Variants in SEZ6L2 observed in about 807,000 individuals in gnomAD.
SEZ6L2 encodes seizure 6-like protein 2.
In SEZ6L2, 44 loss-of-function variants were observed where a neutral mutation model predicts 97.0. That is an observed-to-expected ratio of 0.45 (90% CI 0.36 to 0.58). The LOEUF is 0.58. Ranked by LOEUF, SEZ6L2 falls within the 20% of genes least tolerant of loss-of-function variation. The pLI is 0.00. For synonymous variants in SEZ6L2, 543 were observed against 546.1 expected, an observed-to-expected ratio of 0.99 and a Z score of 0.08; for missense variants, 1,086 against 1,233.3, an observed-to-expected ratio of 0.88 and a Z score of 1.79.
chr16:29,872,136 A>T, intron 17 of SEZ6L2, 51 bp downstream of exon 17: 1 of 1,396,366 alleles, frequency 7.2e-7, no homozygotes, highest in Non-Finnish European at 9.8e-7. Flanking sequence ...AAGGTTATGG[A>T]GTCCTGGGAG....
At chr16:29,875,578 TG>T (rs2067884668) in intron 12 of SEZ6L2, among the ~76,000 whole-genome samples, 1 of 152,066 alleles carries the variant, frequency 6.6e-6, no homozygotes, top group Non-Finnish European at 1.5e-5. Flanking sequence ...CCCATGTCCT[TG>T]GGGCTGGCTT....
chr16:29,891,807 C>T (rs1184204649), intron 5 of SEZ6L2, among the ~76,000 whole-genome samples: 2 of 152,152 alleles, frequency 1.3e-5, no homozygotes, highest in Non-Finnish European at 1.5e-5. Flanking sequence ...CTCTAGGGGC[C>T]TCTCACCTAT....
chr16:29,875,999 G>A (rs2067895543), intron 12 of SEZ6L2, among the ~76,000 whole-genome samples: 1 of 151,964 alleles, frequency 6.6e-6, no homozygotes, highest in Non-Finnish European at 1.5e-5. Flanking sequence ...CCAGCCCTGA[G>A]AAAATTAGCC....
At chr16:29,872,838 C>T (rs1383665475) in intron 14 of SEZ6L2, 95 bp from the exon 15 acceptor site, 1 of 977,168 alleles carries the variant, frequency 1.0e-6, no homozygotes, top group Non-Finnish European at 1.5e-6. Context: ...GCTGGACAGC[C>T]TGGTTCTCTC....
chr16:29,893,647 CAAAAAA>C (rs1313483790), intron 5 of SEZ6L2, among the ~76,000 whole-genome samples: 2 of 80,862 alleles, frequency 2.5e-5, no homozygotes, highest in Non-Finnish European at 5.5e-5. Context: ...GACTCTGTCT[CAAAAAA>C]AAAAAAAAAA....
At chr16:29,891,339 C>T (rs1404257053) in intron 5 of SEZ6L2, among the ~76,000 whole-genome samples, 2 of 150,238 alleles carry the variant, frequency 1.3e-5, no homozygotes, top group African/African-American at 4.9e-5. Flanking sequence ...GCTGGGATTA[C>T]AGGCGTGAGC....
rs193055788 is a variant in SEZ6L2, at chr16:29,879,905, G to A, written c.1532C>T (p.Pro511Leu). The change falls in exon 9 of 18, where the codon CCC becomes CTC. Residue 511 changes from proline to leucine, a missense_variant. Pro to Leu is a moderately conservative substitution (Grantham distance 98). Transcript: ENST00000617533. ...GPPNAIECVD[P>L]TEPHWNDTEP... ...TGTGTCGTTCCAGTGGGGTTCTGTG[G>A]GATCCACACATTCGATGGCATTGGG... The A allele has an allele frequency of 1.2e-5, 19 of 1,613,156 alleles. No individual in the cohort carries two copies. Among genetic ancestry groups the A allele is most frequent in the Non-Finnish European group, 1.6e-5 (19 of 1,179,484 alleles).
Position 29,877,417 on chromosome 16 carries a change from G to A in SEZ6L2, c.1763C>T (p.Pro588Leu). 3.7e-6 allele frequency: 6 copies of A among 1,611,496 alleles called. No homozygotes were observed. Among genetic ancestry groups the A allele is most frequent in the East Asian group, 2.2e-5 (1 of 44,816 alleles). The change falls in exon 11 of 18, where the codon CCC becomes CTC. Residue 588 changes from proline (P) to leucine (L), a missense_variant. This residue lies in a region of SEZ6L2 where 776 missense variants were observed against 794.7 expected (regional missense o/e 0.98). Coordinates refer to ENST00000617533, the MANE Select transcript of SEZ6L2 (RefSeq NM_001243332.2). ...CAGCTGGGCCAAGACTCGGGCGCTGGGACCGTCCCCGTCGAACAGCGTCAG... is the reference window on the plus strand; with the variant it reads ...CAGCTGGGCCAAGACTCGGGCGCTGAGACCGTCCCCGTCGAACAGCGTCAG... Reference protein sequence around the residue: ...DMLTLFDGDGPSARVLAQLRG... With the variant: ...DMLTLFDGDGLSARVLAQLRG...
intron 5 of SEZ6L2, among the ~76,000 whole-genome samples, chr16:29,890,946 T>G (rs183221076): frequency 1.3e-5 from 2 of 151,054 alleles, no homozygotes; most frequent in East Asian, 3.9e-4. Flanking sequence ...TTTATTTTAT[T>G]ATTATTATTT....
At position 29,899,250 on chromosome 16, in the gene SEZ6L2, T is replaced by G; in HGVS notation, c.-231A>C. ...TTGCTCAGTCTCCTCTGTCCTCTTC[T>G]CGCGGCTCTGTGGTGGAGGGGGCGC... On this transcript the variant is annotated 5_prime_UTR_variant, in exon 1 of 18. Transcript: ENST00000617533. The G allele has an allele frequency of 1.2e-5, 6 of 482,622 alleles. No individual in the cohort carries two copies. The highest frequency in any genetic ancestry group is 1.5e-5 in the Non-Finnish European group (4 of 274,540). 29.9% of individuals were successfully genotyped at this position (482,622 alleles called of 1,614,324 possible). A position where few individuals can be genotyped will look rare whatever the true frequency, so the allele number is the denominator to read the frequency against.
chr16:29,899,282 G>T lies in SEZ6L2; in HGVS notation c.-263C>A. The T allele has an allele frequency of 6.6e-6, 3 of 455,502 alleles. No homozygotes were observed. Among genetic ancestry groups the T allele is most frequent in the Non-Finnish European group, 1.2e-5 (3 of 258,602 alleles). 28.2% of individuals were successfully genotyped at this position (455,502 alleles called of 1,614,324 possible). A position where few individuals can be genotyped will look rare whatever the true frequency, so the allele number is the denominator to read the frequency against. On this transcript the variant is annotated 5_prime_UTR_variant, in exon 1 of 18. Transcript: ENST00000617533. ...TCTGTGGTGGAGGGGGCGCGGCTCC[G>T]GCTGCAGGGGGTGGGGCCGAGAGGG...
At chr16:29,880,097 T>C (rs753425585) in intron 8 of SEZ6L2, 33 bp from the exon 9 acceptor site, 1 of 1,604,536 alleles carries the variant, frequency 6.2e-7, no homozygotes, top group Admixed American at 1.7e-5. Flanking sequence ...AATTAAGCAT[T>C]AGGACAGGCC....
chr16:29,895,178 C>CAAAAAA, intron 5 of SEZ6L2, 81 bp downstream of exon 5: 1 of 568,102 alleles, frequency 1.8e-6, no homozygotes, highest in Non-Finnish European at 2.8e-6. Flanking sequence ...GACTCTGTCT[C>CAAAAAA]AAAAAAAAAA....
At position 29,895,787 on chromosome 16, in the gene SEZ6L2, G is replaced by T; in HGVS notation, c.585C>A (p.Arg195=). ...ESPDLGSPVS[R]TLGLLDCTYS... Reference sequence around the variant, plus strand: ...AAGTGCAGTCCAGGAGCCCCAGGGTGCGGCTGACGGGGCTCCCCAGATCTG... The same window carrying T: ...AAGTGCAGTCCAGGAGCCCCAGGGTTCGGCTGACGGGGCTCCCCAGATCTG... The change falls in exon 4 of 18, where the codon CGC becomes CGA. Residue 195 remains arginine, a synonymous_variant. Transcript: ENST00000617533. The T allele has an allele frequency of 6.2e-7, 1 of 1,614,052 alleles. No homozygotes were observed. Among genetic ancestry groups the T allele is most frequent in the African/African-American group, 1.3e-5 (1 of 75,038 alleles).
chr16:29,883,160 T>C (rs2068062984), intron 8 of SEZ6L2, among the ~76,000 whole-genome samples: 1 of 152,196 alleles, frequency 6.6e-6, no homozygotes, highest in Non-Finnish European at 1.5e-5. Context: ...TAGACCCTCC[T>C]ATCTCTAAGC....
rs2068179741 is a variant in SEZ6L2 at position 29,887,790 on chromosome 16, G to C, written c.1067C>G (p.Ala356Gly). ...TGGGGACACGATGCGGCCCAGGGTG[G>C]CATTGTGGATGGTGCCACCACAGGA... The part of the protein sequence containing the change: ...MASCGGTIHN[A>G]TLGRIVSPEP... Residue 356 changes from alanine (A) to glycine (G), a missense_variant, in exon 7 of 18, where the codon GCC becomes GGC. Ala to Gly is a moderately conservative substitution (Grantham distance 60). Around this residue, in one of 2 missense-constraint regions of SEZ6L2, gnomAD observed 776 missense variants for 794.7 expected, o/e 0.98. Coordinates refer to ENST00000617533, the MANE Select transcript of SEZ6L2 (RefSeq NM_001243332.2). The C allele has an allele frequency of 6.2e-7, 1 of 1,613,674 alleles. No individual in the cohort carries two copies. Among genetic ancestry groups the C allele is most frequent in the Non-Finnish European group, 8.5e-7 (1 of 1,179,916 alleles).
chr16:29,893,667 T>A (rs928455504), intron 5 of SEZ6L2, among the ~76,000 whole-genome samples: 1 of 147,302 alleles, frequency 6.8e-6, no homozygotes, highest in Non-Finnish European at 1.5e-5. Context: ...AAAAAAAAAA[T>A]TCAAATATCT....
rs1387609380 is a variant in SEZ6L2 at position 29,897,244 on chromosome 16, C to T, written c.212-123G>A. On this transcript the variant is annotated intron_variant, in intron 2 of 17. Coordinates refer to ENST00000617533, the MANE Select transcript of SEZ6L2 (RefSeq NM_001243332.2). Reference sequence around the variant, plus strand: ...CCACAAAAGCCTCCCGCACAAGGTACAGCACCCCCCACCTTTCCCTTCCCC... The same window carrying T: ...CCACAAAAGCCTCCCGCACAAGGTATAGCACCCCCCACCTTTCCCTTCCCC... 1.3e-5 allele frequency: 11 copies of T among 849,396 alleles called. No homozygotes were observed. In the East Asian group the frequency reaches 2.7e-4, roughly 21 times the overall value. The allele number at this position is 849,396 out of a possible 1,614,324, so 52.6% of individuals were successfully genotyped here. A position where few individuals can be genotyped will look rare whatever the true frequency, so the allele number is the denominator to read the frequency against.
At position 29,876,189 on chromosome 16, in the gene SEZ6L2, G is replaced by A. The variant is rs1302128477; in HGVS notation, c.2104+567C>T. Among the ~76,000 whole-genome samples the A allele has an allele frequency of 6.6e-6, 1 of 152,106 alleles. No individual in the cohort carries two copies. Among genetic ancestry groups the A allele is most frequent in the Non-Finnish European group, 1.5e-5 (1 of 68,012 alleles). On this transcript the variant is annotated intron_variant, in intron 12 of 17. Transcript: ENST00000617533. The surrounding 1 kb of genome is among the most constrained non-coding windows in gnomAD (Gnocchi z 6.5). ...ACCCTGCGTATCCCTCCCAGACTGCGAGCTCCATAAGAGTATGGAGGGGCT... is the reference window on the plus strand; with the variant it reads ...ACCCTGCGTATCCCTCCCAGACTGCAAGCTCCATAAGAGTATGGAGGGGCT...
Sources: allele counts gnomAD v4.1 joint callset (sites outside exome capture counted in the v4.1 genomes callset), GRCh38; gene constraint gnomAD v4.1.1; regional missense constraint gnomAD v4.1.1; non-coding constraint Gnocchi (gnomAD v3.1); transcripts MANE v1.5; gene names NCBI Gene and HGNC (gene_info 2026-07-23, HGNC 2026-07-21).